Variants in DPP6 observed in about 807,000 individuals in gnomAD.
DPP6 encodes the protein A-type potassium channel modulatory protein DPP6.
Under a neutral mutation model 122.6 loss-of-function variants are expected in DPP6, and 69 were observed. The ratio of observed to expected loss-of-function variants is 0.56; its 90% CI spans 0.46 to 0.69. The LOEUF (loss-of-function observed/expected upper bound fraction) is 0.69. Ranked by LOEUF, DPP6 falls within the 30% of genes least tolerant of loss-of-function variation. The probability of loss-of-function intolerance (pLI) is 0.00; values close to 1 mark genes in which losing one functional copy is unlikely to be tolerated. For missense variants in DPP6, 928 were observed against 1,116.9 expected, an observed-to-expected ratio of 0.83 and a Z score of 2.41; for synonymous variants, 418 against 433.1, an observed-to-expected ratio of 0.97 and a Z score of 0.43.
At chr7:153,826,178 C>A in the DPP6 span, among the ~76,000 whole-genome samples, 1 of 152,100 alleles carries the variant, frequency 6.6e-6, no homozygotes, top group African/African-American at 2.4e-5. Flanking sequence ...AAGAACAAAG[C>A]TTCAGAGAGT....
chr7:154,737,105 T>C (rs535852271), intron 8 of DPP6, among the ~76,000 whole-genome samples: 5 of 152,356 alleles, frequency 3.3e-5, no homozygotes, highest in East Asian at 3.9e-4. Flanking sequence ...TCTAAATTCA[T>C]GCTAAGTCAT....
intron 7 of DPP6, among the ~76,000 whole-genome samples, chr7:154,700,390 C>T (rs1016684143): frequency 1.1e-4 from 16 of 152,206 alleles, no homozygotes; most frequent in African/African-American, 2.9e-4. Flanking sequence ...GCTACCAGCA[C>T]GGTTCACAGA....
At chr7:154,575,760 ATG>A (rs1831627632) in intron 5 of DPP6, among the ~76,000 whole-genome samples, 1 of 109,484 alleles carries the variant, frequency 9.1e-6, no homozygotes, top group African/African-American at 3.5e-5. Flanking sequence ...GTGTGTATGT[ATG>A]TGTGGTGTGT....
intron 8 of DPP6, 64 bp downstream of exon 8, chr7:154,727,951 G>A: frequency 6.8e-7 from 1 of 1,480,372 alleles, no homozygotes; most frequent in Non-Finnish European, 9.0e-7. Context: ...CATTGGAGTT[G>A]GGTTCTTTTT....
intron 1 of DPP6, among the ~76,000 whole-genome samples, chr7:153,975,176 A>G (rs1256261619): frequency 6.6e-6 from 1 of 152,082 alleles, no homozygotes; most frequent in Non-Finnish European, 1.5e-5. Flanking sequence ...ATTCGGGTGT[A>G]TAGCCAAACA....
intron 16 of DPP6, among the ~76,000 whole-genome samples, chr7:154,820,970 TTAAA>T (rs2150496713): frequency 6.6e-6 from 1 of 152,306 alleles, no homozygotes; most frequent in Admixed American, 6.5e-5. Context: ...AACCAACTAA[TTAAA>T]TATAGACTGG....
chr7:154,213,266 G>A (rs1275847344), intron 1 of DPP6, among the ~76,000 whole-genome samples: 3 of 152,318 alleles, frequency 2.0e-5, no homozygotes, highest in African/African-American at 4.8e-5. Flanking sequence ...TTTGCAAGTA[G>A]CAATTCAATA....
chr7:154,838,331 T>C (rs1801248253), intron 16 of DPP6: 1 of 152,186 alleles, frequency 6.6e-6, no homozygotes, highest in African/African-American at 2.4e-5. Context: ...AAAGGAAACT[T>C]ACTGGGAAGC....
chr7:154,192,683 T>A (rs974795548), intron 1 of DPP6, among the ~76,000 whole-genome samples: 1 of 152,258 alleles, frequency 6.6e-6, no homozygotes, highest in African/African-American at 2.4e-5. Context: ...AAATGAATTT[T>A]AAAAATCCCC....
intron 1 of DPP6, among the ~76,000 whole-genome samples, chr7:154,201,030 C>G (rs915463370): frequency 9.9e-5 from 15 of 152,188 alleles, no homozygotes; most frequent in Non-Finnish European, 1.6e-4. Flanking sequence ...TGGAACTTGT[C>G]TCGCTGAATA....
At chr7:154,452,143 A>G (rs1483256448) in intron 2 of DPP6, among the ~76,000 whole-genome samples, 1 of 152,190 alleles carries the variant, frequency 6.6e-6, no homozygotes, top group Non-Finnish European at 1.5e-5. Context: ...GGAGCTGAGA[A>G]CTCCATGCTA....
At chr7:154,066,410 A>G (rs1294839970) in intron 1 of DPP6, among the ~76,000 whole-genome samples, 1 of 152,168 alleles carries the variant, frequency 6.6e-6, no homozygotes, top group East Asian at 1.9e-4. Context: ...ACTTGTCCCT[A>G]CTGAACAGAG....
At position 153,958,854 on chromosome 7, in the gene DPP6, G is replaced by A. The variant is rs1439002678; in HGVS notation, c.51+71120G>A. Among the ~76,000 whole-genome samples the A allele has an allele frequency of 1.2e-4, 18 of 151,688 alleles. No homozygotes were observed. In the South Asian group the frequency reaches 3.3e-3, roughly 28 times the overall value. On this transcript the variant is annotated intron_variant, in intron 1 of 25. Transcript: ENST00000404039. Reference sequence around the variant, plus strand: ...TTCAGGGCCTCAGCTCAGCACCTGCGAACACAGACATTAAAAAAACCCTCA... The same window carrying A: ...TTCAGGGCCTCAGCTCAGCACCTGCAAACACAGACATTAAAAAAACCCTCA...
intron 3 of DPP6, among the ~76,000 whole-genome samples, chr7:154,500,193 ACTTTGAT>A (rs1451057617): frequency 6.7e-6 from 1 of 149,628 alleles, no homozygotes; most frequent in East Asian, 2.3e-4. Flanking sequence ...ACAGAAAGCC[ACTTTGAT>A]CAGTGATCAG....
chr7:154,506,883 T>G (rs1310875612), intron 3 of DPP6, among the ~76,000 whole-genome samples: 2 of 152,230 alleles, frequency 1.3e-5, no homozygotes, highest in African/African-American at 4.8e-5. Context: ...GGATGATGAA[T>G]GCATACATAC....
chr7:154,329,354 G>A (rs755483487), intron 1 of DPP6, among the ~76,000 whole-genome samples: 2 of 152,188 alleles, frequency 1.3e-5, no homozygotes, highest in Non-Finnish European at 2.9e-5. Flanking sequence ...GATCAGGGAC[G>A]ATGAGCTTTT....
chr7:154,226,042 G>C lies in DPP6; in HGVS notation c.243+172979G>C, dbSNP rs138328473. Among the ~76,000 whole-genome samples, 21 of 152,242 alleles carry C rather than the reference G, an allele frequency of 1.4e-4. No homozygotes were observed. The East Asian group carries it at 4.1e-3, about 29-fold the overall frequency. The stretch of plus-strand genomic sequence containing the variant: ...GTGGCTGAGACACAACTAGAACCTT[G>C]TCTCTCTATTAAATGCATTTCCTGA... On this transcript the variant is annotated intron_variant, in intron 1 of 25. Transcript: ENST00000377770.
At chr7:154,525,541 T>C (rs1351253529) in intron 3 of DPP6, among the ~76,000 whole-genome samples, 1 of 152,192 alleles carries the variant, frequency 6.6e-6, no homozygotes, top group African/African-American at 2.4e-5. Flanking sequence ...GAATTGTTTA[T>C]TTTCTTGGAA....
intron 1 of DPP6, among the ~76,000 whole-genome samples, chr7:154,444,190 G>T (rs950589584): frequency 1.3e-5 from 2 of 152,194 alleles, no homozygotes. Context: ...AGGCGCGGTG[G>T]CTCACGCCTG....
Sources: allele counts gnomAD v4.1 joint callset (sites outside exome capture counted in the v4.1 genomes callset), GRCh38; gene constraint gnomAD v4.1.1; transcripts MANE v1.5; gene names NCBI Gene and HGNC (gene_info 2026-07-23, HGNC 2026-07-21).